The following SLC12A8 variants were observed in gnomAD, a reference collection of about 807,000 sequenced individuals.
The protein encoded by SLC12A8 is solute carrier family 12 member 8.
In SLC12A8, 69 loss-of-function variants were observed where a neutral mutation model predicts 75.6. The ratio of observed to expected loss-of-function variants is 0.91; its 90% CI spans 0.75 to 1.11. The LOEUF (loss-of-function observed/expected upper bound fraction) is 1.11. Among genes scored for constraint, SLC12A8 ranks in the 50% most tolerant of loss-of-function variants. SLC12A8 has a pLI of 0.00. For synonymous variants in SLC12A8, 365 were observed against 372.8 expected, an observed-to-expected ratio of 0.98 and a Z score of 0.24; for missense variants, 877 against 896.7, an observed-to-expected ratio of 0.98 and a Z score of 0.28.
intron 2 of SLC12A8, among the ~76,000 whole-genome samples, chr3:125,210,687 T>A (rs550510341): frequency 6.6e-6 from 1 of 152,272 alleles, no homozygotes; most frequent in South Asian, 2.1e-4. Flanking sequence ...GAAAACTTCA[T>A]GTTGAGTGAT....
At chr3:125,160,439 A>G (rs1170366307) in intron 5 of SLC12A8, among the ~76,000 whole-genome samples, 1 of 152,254 alleles carries the variant, frequency 6.6e-6, no homozygotes, top group Non-Finnish European at 1.5e-5. Context: ...TGTCCTCACT[A>G]TTACAGATAA....
rs2981485 is a variant in SLC12A8, at chr3:125,083,059, C to T, written c.*831G>A. 0.62 allele frequency: 94,182 copies of T among 152,018 alleles called. 30,508 individuals are homozygous for T. Among genetic ancestry groups the T allele is most frequent in the African/African-American group, 0.81 (33,604 of 41,484 alleles). The allele number at this position is 152,018 out of a possible 1,614,324, so 9.4% of individuals were successfully genotyped here. On this transcript the variant is annotated 3_prime_UTR_variant, in exon 14 of 14. Coordinates refer to ENST00000469902, the MANE Select transcript of SLC12A8 (RefSeq NM_024628.6). ...TATCCATAAAGAAATGCTGGATGTA[C>T]GGATGAGAATAGTGGTTACCTCTAG... is the stretch of plus-strand genomic sequence containing the variant.
intron 10 of SLC12A8, among the ~76,000 whole-genome samples, chr3:125,103,903 G>C (rs624886): frequency 0.56 from 84,380 of 151,472 alleles, 24,211 homozygotes; most frequent in East Asian, 0.86. Flanking sequence ...CAAAGTGCTG[G>C]ATTACAGGTG....
At chr3:125,159,302 C>T (rs1934112904) in intron 5 of SLC12A8, among the ~76,000 whole-genome samples, 1 of 152,090 alleles carries the variant, frequency 6.6e-6, no homozygotes, top group South Asian at 2.1e-4. Flanking sequence ...CACTATGTTG[C>T]CCAGGCTAGT....
intron 5 of SLC12A8, among the ~76,000 whole-genome samples, chr3:125,170,945 G>A (rs1934395570): frequency 6.6e-6 from 1 of 152,088 alleles, no homozygotes; most frequent in African/African-American, 2.4e-5. Flanking sequence ...AAAGAAAATA[G>A]ACTGAGAAGC....
intron 9 of SLC12A8, among the ~76,000 whole-genome samples, chr3:125,108,643 A>T (rs1939103884): frequency 6.6e-6 from 1 of 152,276 alleles, no homozygotes; most frequent in South Asian, 2.1e-4. Flanking sequence ...TGTTAGGATT[A>T]CAGGCATGAG....
chr3:125,163,443 T>TAA (rs58384902), intron 5 of SLC12A8, among the ~76,000 whole-genome samples: 12 of 149,072 alleles, frequency 8.0e-5, no homozygotes, highest in African/African-American at 2.7e-4. Context: ...CCGTCTCTAC[T>TAA]AAAAAAAAAT....
chr3:125,111,003 A>G (rs1185416088), intron 8 of SLC12A8, among the ~76,000 whole-genome samples: 1 of 151,990 alleles, frequency 6.6e-6, no homozygotes, highest in Non-Finnish European at 1.5e-5. Flanking sequence ...TTGTCTGTTA[A>G]ACTCCTAATT....
intron 3 of SLC12A8, among the ~76,000 whole-genome samples, chr3:125,188,879 T>G (rs1041788282): frequency 6.6e-6 from 1 of 152,198 alleles, no homozygotes; most frequent in African/African-American, 2.4e-5. Context: ...CTGAGTGTGG[T>G]GTAGAATGAG....
intron 8 of SLC12A8, among the ~76,000 whole-genome samples, chr3:125,116,908 C>T (rs1295052323): frequency 6.6e-6 from 1 of 152,176 alleles, no homozygotes; most frequent in Admixed American, 6.5e-5. Flanking sequence ...AACTAGAGAA[C>T]AGGCCCTTGG....
At chr3:125,106,945 C>T (rs966607927) in intron 10 of SLC12A8, among the ~76,000 whole-genome samples, 4 of 152,146 alleles carry the variant, frequency 2.6e-5, no homozygotes, top group Admixed American at 1.3e-4. Context: ...CTTGAAAATA[C>T]GAGTTCTCAT....
intron 7 of SLC12A8, among the ~76,000 whole-genome samples, 192 bp downstream of exon 7, chr3:125,120,407 G>A (rs1277027878): frequency 6.6e-6 from 1 of 152,120 alleles, no homozygotes; most frequent in African/African-American, 2.4e-5. Context: ...CAGGCAGGGC[G>A]CATGAAAGGG....
intron 5 of SLC12A8, among the ~76,000 whole-genome samples, chr3:125,146,899 A>G (rs692744): frequency 0.94 from 142,579 of 152,308 alleles, 66,919 homozygotes; most frequent in Middle Eastern, 0.97. Context: ...CACGAGAAGC[A>G]GGGCGGGGAA....
At chr3:125,195,807 T>A (rs1352238010) in intron 2 of SLC12A8, among the ~76,000 whole-genome samples, 1 of 152,134 alleles carries the variant, frequency 6.6e-6, no homozygotes, top group Non-Finnish European at 1.5e-5. Flanking sequence ...TCTGATGTCG[T>A]CTGGCAAATG....
intron 4 of SLC12A8, among the ~76,000 whole-genome samples, chr3:125,178,998 T>G (rs1934595921): frequency 1.3e-5 from 2 of 152,212 alleles, no homozygotes; most frequent in South Asian, 4.1e-4. Context: ...TCAAATTAAA[T>G]TGTTGAAAAT....
chr3:125,141,148 GAACAAA>G (rs1164201554), intron 5 of SLC12A8, among the ~76,000 whole-genome samples: 2 of 138,370 alleles, frequency 1.4e-5, no homozygotes, highest in Admixed American at 1.6e-4. Flanking sequence ...CTTTTAGGAA[GAACAAA>G]AACAAAAAGG....
intron 5 of SLC12A8, chr3:125,154,804 C>T (rs1184110221): frequency 1.3e-5 from 2 of 152,200 alleles, no homozygotes; most frequent in Non-Finnish European, 2.9e-5. Flanking sequence ...CTCAAAATAG[C>T]TTACCATGCT....
chr3:125,104,966 C>T (rs1198583509), intron 10 of SLC12A8, among the ~76,000 whole-genome samples: 1 of 152,144 alleles, frequency 6.6e-6, no homozygotes, highest in African/African-American at 2.4e-5. Context: ...CAGCCATGGA[C>T]TGCCCACCTC....
chr3:125,135,695 A>T lies in SLC12A8; in HGVS notation c.710T>A (p.Phe237Tyr). The T allele has an allele frequency of 6.2e-7, 1 of 1,609,112 alleles. No individual in the cohort carries two copies. The highest frequency in any genetic ancestry group is 1.7e-5 in the Admixed American group (1 of 59,706). Residue 237 changes from phenylalanine to tyrosine, a missense_variant, in exon 6 of 14, where the codon TTT (phenylalanine) becomes TAT (tyrosine). Coordinates refer to ENST00000469902, the MANE Select transcript of SLC12A8 (RefSeq NM_024628.6). Reference sequence around the variant, plus strand: ...TGTAGCCGCTGGGAAGAAAACCCCAAAGACAGTGAAAAAAGATTCCCCCGG... The same window carrying T: ...TGTAGCCGCTGGGAAGAAAACCCCATAGACAGTGAAAAAAGATTCCCCCGG... ...YSPGESFFTV[F>Y]GVFFPAATGV...
Sources: gnomAD v4.1 joint callset for allele counts (sites outside exome capture counted in the v4.1 genomes callset) on GRCh38, gnomAD v4.1.1 for gene constraint, MANE v1.5 for transcripts, NCBI Gene and HGNC (gene_info 2026-07-23, HGNC 2026-07-21) for gene names.